SMARCC1: variants seen among roughly 807,000 people sequenced by gnomAD.
SMARCC1 encodes the protein SWI/SNF complex subunit SMARCC1.
In SMARCC1, 43 loss-of-function variants were observed where a neutral mutation model predicts 147.4. That is an observed-to-expected ratio of 0.29 (90% CI 0.23 to 0.38). The LOEUF (loss-of-function observed/expected upper bound fraction) is 0.38. Among genes scored for constraint, SMARCC1 ranks in the 10% least tolerant of loss-of-function variants. The pLI is 1.00. For missense variants in SMARCC1, 1,119 were observed against 1,381.1 expected, an observed-to-expected ratio of 0.81 and a Z score of 3.01; for synonymous variants, 495 against 484.4, an observed-to-expected ratio of 1.02 and a Z score of -0.29.
chr3:47,772,325 C>G (rs1285465040), intron 2 of SMARCC1, among the ~76,000 whole-genome samples: 4 of 151,662 alleles, frequency 2.6e-5, no homozygotes, highest in African/African-American at 9.7e-5. Context: ...GCCGGGAGAT[C>G]AAGGCTGCAG....
intron 26 of SMARCC1, among the ~76,000 whole-genome samples, chr3:47,596,573 A>C (rs2032285786): frequency 6.6e-6 from 1 of 151,506 alleles, no homozygotes; most frequent in Admixed American, 6.6e-5. Flanking sequence ...TCTCAAAAAA[A>C]AAAAAATAAA....
chr3:47,729,292 A>T (rs2034339266), intron 5 of SMARCC1, among the ~76,000 whole-genome samples, 198 bp from the exon 6 acceptor site: 1 of 152,228 alleles, frequency 6.6e-6, no homozygotes, highest in South Asian at 2.1e-4. Context: ...CACAGTTTAG[A>T]CTGCTGTATA....
chr3:47,768,340 T>C (rs755035708), intron 2 of SMARCC1, among the ~76,000 whole-genome samples: 8 of 152,172 alleles, frequency 5.3e-5, no homozygotes, highest in African/African-American at 1.2e-4. Context: ...CGGTTCCCAG[T>C]GGCACTAAAC....
rs1183934374 is a variant in SMARCC1, at chr3:47,621,298, C to CAAA, written c.2781+906_2781+908dup. On this transcript the variant is annotated intron_variant, in intron 25 of 27. Coordinates refer to ENST00000254480, the MANE Select transcript of SMARCC1 (RefSeq NM_003074.4). ...CTGGCAACAGGGCGAGACTCCGTCTCAAAAAAAAAAAAAAAAAAAAGAAAA... is the reference window on the plus strand; with the variant it reads ...CTGGCAACAGGGCGAGACTCCGTCTCAAAAAAAAAAAAAAAAAAAAAAAGAAAA... Among the ~76,000 whole-genome samples, 100 of 63,172 alleles carry CAAA rather than the reference C, an allele frequency of 1.6e-3. 2 individuals carry two copies. The highest frequency in any genetic ancestry group is 5.0e-3 in the African/African-American group (97 of 19,564). 41.4% of individuals were successfully genotyped at this position (63,172 alleles called of 152,430 possible).
At chr3:47,624,382 C>G (rs1001077271) in intron 24 of SMARCC1, among the ~76,000 whole-genome samples, 4 of 152,044 alleles carry the variant, frequency 2.6e-5, no homozygotes, top group Non-Finnish European at 4.4e-5. Flanking sequence ...TTTAAGAACA[C>G]AAGACATAGA....
chr3:47,596,921 G>T (rs992279977), intron 26 of SMARCC1, among the ~76,000 whole-genome samples: 4 of 151,720 alleles, frequency 2.6e-5, no homozygotes, highest in Non-Finnish European at 5.9e-5. Context: ...CTTGGCTAGG[G>T]GCGGTGGCTC....
chr3:47,714,337 T>C, intron 8 of SMARCC1, 78 bp downstream of exon 8: 1 of 828,712 alleles, frequency 1.2e-6, no homozygotes, highest in Non-Finnish European at 2.1e-6. Flanking sequence ...CACTCTAGCC[T>C]GGGCGACAGA....
chr3:47,704,825 G>A (rs187230034), intron 10 of SMARCC1, among the ~76,000 whole-genome samples: 23 of 152,066 alleles, frequency 1.5e-4, no homozygotes, highest in Admixed American at 3.9e-4. Context: ...GCTGAGGTAG[G>A]AGAATCGCCT....
intron 18 of SMARCC1, among the ~76,000 whole-genome samples, chr3:47,671,807 C>T (rs190454355): frequency 2.0e-5 from 3 of 152,198 alleles, no homozygotes; most frequent in Non-Finnish European, 2.9e-5. Context: ...TGAGAGATTA[C>T]CATTTAATAA....
intron 18 of SMARCC1, 145 bp from the exon 19 acceptor site, chr3:47,670,862 A>G (rs1325269243): frequency 6.3e-6 from 4 of 638,888 alleles, no homozygotes; most frequent in African/African-American, 3.7e-5. Flanking sequence ...CACTTTAAGG[A>G]GCCTAAACTT....
At chr3:47,616,258 G>T (rs2032644128) in intron 25 of SMARCC1, among the ~76,000 whole-genome samples, 1 of 152,180 alleles carries the variant, frequency 6.6e-6, no homozygotes, top group African/African-American at 2.4e-5. Flanking sequence ...TCAGTCTACA[G>T]ACACAATGAG....
At chr3:47,756,766 A>ATTCT (rs2034703672) in intron 2 of SMARCC1, among the ~76,000 whole-genome samples, 1 of 152,256 alleles carries the variant, frequency 6.6e-6, no homozygotes, top group Non-Finnish European at 1.5e-5. Flanking sequence ...TTGCATCACA[A>ATTCT]ACCATATGAC....
intron 11 of SMARCC1, 113 bp downstream of exon 11, chr3:47,701,165 A>C: frequency 1.3e-6 from 1 of 795,378 alleles, no homozygotes; most frequent in Non-Finnish European, 2.0e-6. Context: ...GGGACAATCT[A>C]TTCATACTTG....
chr3:47,642,084 T>C (rs2033055367), intron 21 of SMARCC1, among the ~76,000 whole-genome samples: 1 of 152,012 alleles, frequency 6.6e-6, no homozygotes, highest in Non-Finnish European at 1.5e-5. Context: ...CTGAAACATA[T>C]AACTATTAAA....
intron 26 of SMARCC1, chr3:47,604,206 CACTA>C: frequency 2.2e-6 from 1 of 456,776 alleles, no homozygotes; most frequent in South Asian, 1.5e-5. Context: ...CAGGCTCTAC[CACTA>C]ACTGATGGAG....
intron 25 of SMARCC1, among the ~76,000 whole-genome samples, chr3:47,613,692 A>T (rs1175343172): frequency 6.6e-6 from 1 of 152,082 alleles, no homozygotes; most frequent in African/African-American, 2.4e-5. Flanking sequence ...AAAATATCAC[A>T]CACATATGTT....
In SMARCC1 at chr3:47,620,152, T is replaced by TA. The variant is rs1559627162; in HGVS notation, c.2781+2054dup. Among the ~76,000 whole-genome samples, 5 of 152,318 alleles carry TA rather than the reference T, an allele frequency of 3.3e-5. No homozygotes were observed. The East Asian group carries it at 9.6e-4, about 29-fold the overall frequency. On this transcript the variant is annotated intron_variant, in intron 25 of 27. Transcript: ENST00000254480. ...CTTAGGGAGTCACTAATTCTTTATC[T>TA]AGTCAACTCATTACAAAAATTTATT... is the stretch of plus-strand genomic sequence containing the variant.
At position 47,673,016 on chromosome 3, in the gene SMARCC1, T is replaced by C. The variant is rs2033520936; in HGVS notation, c.1840-2299A>G. 5.3e-5 allele frequency among the ~76,000 whole-genome samples: 8 copies of C among 151,990 alleles called. No individual in the cohort carries two copies. The South Asian group carries it at 1.0e-3, about 20-fold the overall frequency. On this transcript the variant is annotated intron_variant, in intron 18 of 27. Coordinates refer to ENST00000254480, the MANE Select transcript of SMARCC1 (RefSeq NM_003074.4). ...AGCCCGTTTCCTCTCTTGATAACAATTGGCTCTACAATATAAGCCTCATTA... is the reference window on the plus strand; with the variant it reads ...AGCCCGTTTCCTCTCTTGATAACAACTGGCTCTACAATATAAGCCTCATTA...
intron 26 of SMARCC1, among the ~76,000 whole-genome samples, chr3:47,596,711 T>C (rs1034156073): frequency 5.3e-5 from 8 of 151,906 alleles, no homozygotes; most frequent in Non-Finnish European, 8.8e-5. Flanking sequence ...TACAGGTGCA[T>C]GCCACCATGC....
Sources: allele counts gnomAD v4.1 joint callset (sites outside exome capture counted in the v4.1 genomes callset), GRCh38; gene constraint gnomAD v4.1.1; transcripts MANE v1.5; gene names NCBI Gene and HGNC (gene_info 2026-07-23, HGNC 2026-07-21).